The following PDZD2 variants were observed in gnomAD, a reference collection of about 807,000 sequenced individuals.
PDZD2 encodes PDZ domain-containing protein 2.
Under a neutral mutation model 220.7 loss-of-function variants are expected in PDZD2, and 90 were observed. The ratio of observed to expected loss-of-function variants is 0.41; its 90% confidence interval spans 0.34 to 0.49. PDZD2 has a LOEUF of 0.49. PDZD2 is among the 20% of genes least tolerant of loss of function. The probability of loss-of-function intolerance (pLI) is 0.28; values close to 1 mark genes in which losing one functional copy is unlikely to be tolerated. For synonymous variants in PDZD2, 1,375 were observed against 1,450.5 expected (o/e 0.95, Z 1.18); for missense variants, 3,174 against 3,608.5 (o/e 0.88, Z 3.08).
At chr5:32,032,518 C>G (rs754022344) in intron 6 of PDZD2, among the ~76,000 whole-genome samples, 2 of 152,302 alleles carry the variant, frequency 1.3e-5, no homozygotes, top group Middle Eastern at 3.4e-3. Flanking sequence ...GAACGTTCAG[C>G]CTTCTCCAGT....
chr5:31,773,251 A>G (rs564214030), intron 1 of PDZD2, among the ~76,000 whole-genome samples: 2 of 152,346 alleles, frequency 1.3e-5, no homozygotes, highest in Admixed American at 1.3e-4. Flanking sequence ...TACTCAAAAA[A>G]GCTCCTAGAC....
intron 2 of PDZD2, among the ~76,000 whole-genome samples, chr5:31,930,196 CT>C (rs760145512): frequency 7.8e-5 from 8 of 102,506 alleles, no homozygotes; most frequent in East Asian, 3.1e-4. Context: ...CTCAGGTATT[CT>C]TTTTTTTTTT....
chr5:32,052,842 G>A, intron 9 of PDZD2, 112 bp downstream of exon 9: 1 of 1,142,534 alleles, frequency 8.8e-7, no homozygotes, highest in Non-Finnish European at 1.3e-6. Context: ...ACAGGTTCTT[G>A]CTCTGTTGCC....
At chr5:31,805,635 T>C (rs999326619) in intron 2 of PDZD2, among the ~76,000 whole-genome samples, 1 of 152,194 alleles carries the variant, frequency 6.6e-6, no homozygotes, top group Non-Finnish European at 1.5e-5. Context: ...CTGCTCCCTG[T>C]CAGGAGTTTG....
At chr5:32,001,285 A>G (rs995895717) in intron 5 of PDZD2, among the ~76,000 whole-genome samples, 11 of 152,192 alleles carry the variant, frequency 7.2e-5, no homozygotes, top group African/African-American at 2.7e-4. Context: ...GGAGCTGAAG[A>G]GGAGACTTGG....
intron 2 of PDZD2, among the ~76,000 whole-genome samples, chr5:31,850,126 A>G (rs1757934495): frequency 7.3e-6 from 1 of 136,294 alleles, no homozygotes; most frequent in Admixed American, 7.7e-5. Flanking sequence ...ACGTGTATAT[A>G]TGTGTGTGTA....
intron 3 of PDZD2, among the ~76,000 whole-genome samples, chr5:31,994,762 C>T (rs1298308800): frequency 6.6e-6 from 1 of 152,200 alleles, no homozygotes; most frequent in Non-Finnish European, 1.5e-5. Flanking sequence ...GCTGGGATTA[C>T]AGGCATGAGC....
At chr5:32,014,262 G>A (rs906856050) in intron 6 of PDZD2, among the ~76,000 whole-genome samples, 6 of 152,160 alleles carry the variant, frequency 3.9e-5, no homozygotes, top group East Asian at 1.9e-4. Flanking sequence ...CGTGTACTCC[G>A]AGCACTTAAG....
intron 24 of PDZD2, among the ~76,000 whole-genome samples, chr5:32,102,113 A>C (rs1322356000): frequency 6.6e-6 from 1 of 152,184 alleles, no homozygotes; most frequent in Admixed American, 6.5e-5. Flanking sequence ...TGTTAATAGG[A>C]AAAAATACTT....
In PDZD2 at chr5:32,109,266, C is replaced by CTTT. The variant is rs752624131; in HGVS notation, c.*1133_*1135dup. ...ATGTAACATTCTAAGTATTGGATCT[C>CTTT]TTTTCTTGACCTAGTATAATGACAA... On this transcript the variant is annotated 3_prime_UTR_variant, in exon 25 of 25. Coordinates refer to ENST00000438447, the MANE Select transcript of PDZD2 (RefSeq NM_178140.4). 26 of 152,176 alleles carry CTTT rather than the reference C, an allele frequency of 1.7e-4. No homozygotes were observed. The highest frequency in any genetic ancestry group is 3.1e-4 in the Non-Finnish European group (21 of 68,034). 9.4% of individuals were successfully genotyped at this position (152,176 alleles called of 1,614,324 possible).
chr5:32,100,385 G>A (rs1744145974), intron 23 of PDZD2: 1 of 183,158 alleles, frequency 5.5e-6, no homozygotes, highest in Non-Finnish European at 1.2e-5. Flanking sequence ...GCAGGCAAGG[G>A]AGGGAAGTAC....
At chr5:31,707,761 A>G (rs1294095219) in intron 1 of PDZD2, among the ~76,000 whole-genome samples, 1 of 152,024 alleles carries the variant, frequency 6.6e-6, no homozygotes, top group Non-Finnish European at 1.5e-5. Flanking sequence ...TGAGTAGCTG[A>G]GACTACAGGC....
At chr5:31,758,576 G>A (rs1751438479) in intron 1 of PDZD2, among the ~76,000 whole-genome samples, 1 of 152,148 alleles carries the variant, frequency 6.6e-6, no homozygotes, top group South Asian at 2.1e-4. Context: ...TCTCACGCTC[G>A]GGCCCTACAC....
rs1742971859 is a variant in PDZD2 at position 32,090,246 on chromosome 5, T to A, written c.6798T>A (p.Gly2266=). The A allele has an allele frequency of 6.2e-7, 1 of 1,613,966 alleles. No individual in the cohort carries two copies. The highest frequency in any genetic ancestry group is 1.7e-5 in the Admixed American group (1 of 60,000). Residue 2266 remains glycine (G), a synonymous_variant, in exon 20 of 25, where the codon GGT becomes GGA. Coordinates refer to ENST00000438447, the MANE Select transcript of PDZD2 (RefSeq NM_178140.4). The surrounding 1 kb of genome is among the most constrained non-coding windows in gnomAD (Gnocchi z 4.3). ...SVVPEAKASR[G]GLPSLANGQG... The stretch of plus-strand genomic sequence containing the variant: ...TCCCCGAGGCAAAGGCATCCAGAGG[T>A]GGTCTTCCCAGCCTGGCTAATGGAC...
chr5:31,800,886 A>G (rs1368207796), intron 2 of PDZD2, among the ~76,000 whole-genome samples: 1 of 152,166 alleles, frequency 6.6e-6, no homozygotes, highest in African/African-American at 2.4e-5. Flanking sequence ...TGACCTTTGG[A>G]TGATGGAGAC....
chr5:31,758,437 C>T (rs1048894292), intron 1 of PDZD2, among the ~76,000 whole-genome samples: 1 of 152,144 alleles, frequency 6.6e-6, no homozygotes, highest in African/African-American at 2.4e-5. Context: ...AAATGGACCA[C>T]AAAGGAGCAC....
At chr5:31,697,700 C>T (rs1044510822) in intron 1 of PDZD2, among the ~76,000 whole-genome samples, 2 of 152,038 alleles carry the variant, frequency 1.3e-5, no homozygotes, top group Non-Finnish European at 2.9e-5. Flanking sequence ...GACATTGGCA[C>T]GAAGCCCCTC....
chr5:31,710,738 C>A (rs971224728), intron 1 of PDZD2, among the ~76,000 whole-genome samples: 1 of 151,436 alleles, frequency 6.6e-6, no homozygotes, highest in Non-Finnish European at 1.5e-5. Context: ...ATCGCTTGAA[C>A]CTGGGAGGTG....
chr5:31,904,145 T>C (rs1742409354), intron 2 of PDZD2, among the ~76,000 whole-genome samples: 1 of 152,128 alleles, frequency 6.6e-6, no homozygotes. Context: ...AATAAGTCTT[T>C]ATCATGAGAT....
Sources: gnomAD v4.1 joint callset for allele counts (sites outside exome capture counted in the v4.1 genomes callset) on GRCh38, gnomAD v4.1.1 for gene constraint, Gnocchi (gnomAD v3.1) non-coding constraint, MANE v1.5 for transcripts, NCBI Gene and HGNC (gene_info 2026-07-23, HGNC 2026-07-21) for gene names.